The following WWOX variants were observed in gnomAD, a reference collection of about 807,000 sequenced individuals.
WWOX encodes WW domain containing oxidoreductase, also known as WW domain-containing oxidoreductase.
Under a neutral mutation model 46.2 loss-of-function variants are expected in WWOX, and 69 were observed. The ratio of observed to expected loss-of-function variants is 1.49; its 90% CI spans 1.23 to 1.82. The LOEUF (loss-of-function observed/expected upper bound fraction) is 1.82. WWOX is among the 40% of genes most tolerant of loss of function. WWOX has a pLI of 0.00. For synonymous variants in WWOX, 359 were observed against 202.6 expected (o/e 1.77, Z -6.56); for missense variants, 919 against 542.6 (o/e 1.69, Z -6.89).
chr16:78,667,562 T>G (rs764341488), intron 8 of WWOX, among the ~76,000 whole-genome samples: 1 of 149,836 alleles, frequency 6.7e-6, no homozygotes, highest in Admixed American at 6.7e-5. Context: ...TCCCAGCTAC[T>G]CGGGAGACTG....
At chr16:78,695,949 G>C (rs1237036064) in intron 8 of WWOX, among the ~76,000 whole-genome samples, 1 of 152,128 alleles carries the variant, frequency 6.6e-6, no homozygotes, top group Non-Finnish European at 1.5e-5. Flanking sequence ...CTGGAAACTT[G>C]TTAGAGATGC....
chr16:78,430,270 A>G (rs1393319208), intron 7 of WWOX, among the ~76,000 whole-genome samples: 3 of 152,124 alleles, frequency 2.0e-5, no homozygotes, highest in African/African-American at 7.2e-5. Flanking sequence ...ACTTATCTCC[A>G]CCTGGCTCTG....
chr16:78,815,848 CTCTG>C (rs1314309897), intron 8 of WWOX, among the ~76,000 whole-genome samples: 33 of 152,184 alleles, frequency 2.2e-4, no homozygotes, highest in African/African-American at 6.3e-4. Flanking sequence ...TGACATCTGG[CTCTG>C]TCTGCCCAAA....
chr16:78,641,925 C>T (rs1001765366), intron 8 of WWOX, among the ~76,000 whole-genome samples: 4 of 152,242 alleles, frequency 2.6e-5, no homozygotes, highest in East Asian at 1.9e-4. Context: ...CCAAATAGAT[C>T]TTGATCGCAG....
chr16:78,422,738 C>CACAT (rs2082969799), intron 6 of WWOX, among the ~76,000 whole-genome samples: 2 of 101,420 alleles, frequency 2.0e-5, no homozygotes, highest in East Asian at 2.6e-4. Context: ...TATACACACA[C>CACAT]ATATATATAC....
intron 8 of WWOX, among the ~76,000 whole-genome samples, chr16:79,161,935 A>G (rs550035096): frequency 6.6e-6 from 1 of 152,358 alleles, no homozygotes; most frequent in Non-Finnish European, 1.5e-5. Flanking sequence ...TGGAAAGGCC[A>G]AGAGAAGCCT....
intron 6 of WWOX, among the ~76,000 whole-genome samples, chr16:78,402,072 T>G (rs770273990): frequency 1.3e-5 from 2 of 152,220 alleles, no homozygotes; most frequent in Non-Finnish European, 2.9e-5. Context: ...CATTACCACT[T>G]TTGAATTGCA....
chr16:78,784,289 A>T (rs868113483), intron 8 of WWOX, among the ~76,000 whole-genome samples: 1 of 152,096 alleles, frequency 6.6e-6, no homozygotes, highest in Non-Finnish European at 1.5e-5. Flanking sequence ...ACAGGCAGAA[A>T]AGAGACAGCC....
chr16:78,918,222 A>G (rs1597149148), intron 8 of WWOX, among the ~76,000 whole-genome samples: 1 of 152,180 alleles, frequency 6.6e-6, no homozygotes, highest in Non-Finnish European at 1.5e-5. Context: ...CAAAGATAAA[A>G]GAAAGAAAGA....
chr16:78,432,333 C>G (rs1348490367), intron 7 of WWOX, among the ~76,000 whole-genome samples, 155 bp from the exon 8 acceptor site: 1 of 151,958 alleles, frequency 6.6e-6, no homozygotes, highest in Admixed American at 6.6e-5. Context: ...CTTGAACTCC[C>G]GACCTCAGGT....
chr16:78,707,840 T>TATAA (rs10582418), intron 8 of WWOX, among the ~76,000 whole-genome samples: 5,140 of 143,796 alleles, frequency 0.036, 117 homozygotes, highest in African/African-American at 0.059. Flanking sequence ...GTCTCAAAAA[T>TATAA]ATAAATAAAT....
intron 8 of WWOX, among the ~76,000 whole-genome samples, chr16:78,616,018 G>C (rs1390279485): frequency 6.6e-6 from 1 of 152,092 alleles, no homozygotes; most frequent in Non-Finnish European, 1.5e-5. Flanking sequence ...CCAAAGTGCT[G>C]GGATTACAGG....
rs141419695 is a variant in WWOX, at chr16:78,725,868, C to T, written c.1056+293116C>T. ...GTGCATCACTCCAATCTGCCTTTGT[C>T]GCTGCATGTCATTCACATTGGGTCT... On this transcript the variant is annotated intron_variant, in intron 8 of 8. Transcript: ENST00000566780. Among the ~76,000 whole-genome samples the T allele has an allele frequency of 3.4e-3, 513 of 152,018 alleles. 2 individuals carry two copies. The highest frequency in any genetic ancestry group is 0.011 in the African/African-American group (446 of 41,456).
At chr16:78,744,684 G>A (rs554632698) in intron 8 of WWOX, among the ~76,000 whole-genome samples, 3 of 151,960 alleles carry the variant, frequency 2.0e-5, no homozygotes, top group South Asian at 2.1e-4. Flanking sequence ...CACCTGCCTC[G>A]GCCTCCCAAA....
At chr16:78,140,021 A>G (rs76772825) in intron 4 of WWOX, among the ~76,000 whole-genome samples, 1,967 of 152,288 alleles carry the variant, frequency 0.013, 85 homozygotes, top group Admixed American at 0.085. Flanking sequence ...TGCAAGTGCC[A>G]AGCAGGTTCT....
chr16:78,261,776 CTATCTATCTATCTATATA>C (rs1201460605), intron 5 of WWOX, among the ~76,000 whole-genome samples: 2 of 38,370 alleles, frequency 5.2e-5, no homozygotes, highest in South Asian at 1.6e-3. Flanking sequence ...ATCTATGTAT[CTATCTATCTATCTATATA>C]TATATATATA....
At chr16:78,366,433 C>T (rs920420969) in intron 5 of WWOX, among the ~76,000 whole-genome samples, 5 of 152,098 alleles carry the variant, frequency 3.3e-5, no homozygotes, top group Admixed American at 1.3e-4. Flanking sequence ...AACAGACACT[C>T]TAAGGAATGG....
intron 8 of WWOX, among the ~76,000 whole-genome samples, chr16:78,961,603 A>T (rs187506980): frequency 1.4e-4 from 21 of 152,058 alleles, no homozygotes; most frequent in Admixed American, 1.1e-3. Flanking sequence ...GATAAATGAA[A>T]GGCTTGTTCT....
intron 8 of WWOX, among the ~76,000 whole-genome samples, chr16:79,030,066 A>T (rs557715491): frequency 6.6e-6 from 1 of 152,354 alleles, no homozygotes; most frequent in Non-Finnish European, 1.5e-5. Context: ...ATGACCAAAA[A>T]AAATAGCATC....
Sources: allele counts gnomAD v4.1 joint callset (sites outside exome capture counted in the v4.1 genomes callset), GRCh38; gene constraint gnomAD v4.1.1; transcripts MANE v1.5; gene names NCBI Gene and HGNC (gene_info 2026-07-23, HGNC 2026-07-21).